Variants in MAGI1 observed in about 807,000 individuals in gnomAD.
The protein encoded by MAGI1 is membrane associated guanylate kinase, WW and PDZ domain containing 1.
A neutral mutation model predicts 139.9 loss-of-function variants in MAGI1; 58 were observed. The ratio of observed to expected loss-of-function variants is 0.41; its 90% confidence interval spans 0.34 to 0.52. The LOEUF is 0.52. MAGI1 is among the 20% of genes least tolerant of loss of function. MAGI1 has a pLI of 0.12. For missense variants in MAGI1, 1,874 were observed against 1,901.6 expected (o/e 0.99, Z 0.27); for synonymous variants, 812 against 737.9 (o/e 1.10, Z -1.63).
chr3:65,475,901 A>C (rs1950865391), intron 4 of MAGI1, among the ~76,000 whole-genome samples: 2 of 152,026 alleles, frequency 1.3e-5, no homozygotes, highest in African/African-American at 4.8e-5. Context: ...CTCAAGCAAA[A>C]GGCAGCTAAG....
At chr3:65,919,393 T>C (rs1427461651) in intron 1 of MAGI1, among the ~76,000 whole-genome samples, 1 of 151,420 alleles carries the variant, frequency 6.6e-6, no homozygotes, top group Non-Finnish European at 1.5e-5. Context: ...GGAGACCCCA[T>C]CTCTACAAAA....
At chr3:65,799,241 GT>G (rs1459337709) in intron 1 of MAGI1, among the ~76,000 whole-genome samples, 1 of 152,166 alleles carries the variant, frequency 6.6e-6, no homozygotes, top group African/African-American at 2.4e-5. Context: ...TATGGCCACA[GT>G]GCATTACAAG....
intron 3 of MAGI1, 44 bp downstream of exon 3, chr3:65,493,468 T>C (rs765111697): frequency 1.2e-6 from 2 of 1,612,626 alleles, no homozygotes; most frequent in Non-Finnish European, 1.7e-6. Flanking sequence ...TCCTCTCAAG[T>C]ACCCAGGAGA....
intron 1 of MAGI1, among the ~76,000 whole-genome samples, chr3:65,863,597 T>C (rs2059625042): frequency 6.6e-6 from 1 of 152,170 alleles, no homozygotes; most frequent in African/African-American, 2.4e-5. Context: ...GGTTGAGATA[T>C]ACAAATGTGG....
intron 1 of MAGI1, among the ~76,000 whole-genome samples, chr3:65,806,427 C>CA (rs59762065): frequency 0.036 from 5,120 of 141,636 alleles, 282 homozygotes; most frequent in African/African-American, 0.12. Context: ...AACTCCATTT[C>CA]AAAAAAAAAA....
At chr3:65,391,107 G>A (rs764258414) in intron 14 of MAGI1, 35 bp downstream of exon 14, 2 of 1,559,706 alleles carry the variant, frequency 1.3e-6, no homozygotes, top group East Asian at 4.5e-5. Flanking sequence ...CCTGCGGAGG[G>A]GTCAGGGTAA....
chr3:65,505,514 A>G (rs2077247097), intron 2 of MAGI1, among the ~76,000 whole-genome samples: 1 of 151,880 alleles, frequency 6.6e-6, no homozygotes, highest in Admixed American at 6.6e-5. Flanking sequence ...ATATAGTGGC[A>G]CGTGCCTGTA....
rs1206138639 is a variant in MAGI1 at position 65,984,712 on chromosome 3, CTTT to C, written c.313+53281_313+53283del. Among the ~76,000 whole-genome samples the C allele has an allele frequency of 6.1e-4, 16 of 26,110 alleles. 1 individual carries two copies. The South Asian group carries it at 0.02, about 32-fold the overall frequency. 17.1% of individuals were successfully genotyped at this position (26,110 alleles called of 152,430 possible). On this transcript the variant is annotated intron_variant, in intron 1 of 22. Transcript: ENST00000402939. ...CACCATGCCTTGCTAATTTTTTTTT[CTTT>C]TTTTTTTTTTTTTTAGAGATAGGAG...
At chr3:65,910,508 T>C (rs1011258143) in intron 1 of MAGI1, among the ~76,000 whole-genome samples, 2 of 152,170 alleles carry the variant, frequency 1.3e-5, no homozygotes, top group Non-Finnish European at 2.9e-5. Context: ...CCTGTTTACA[T>C]ACTAATCGAA....
At chr3:65,554,688 C>T (rs1009262149) in intron 2 of MAGI1, among the ~76,000 whole-genome samples, 1 of 152,190 alleles carries the variant, frequency 6.6e-6, no homozygotes, top group African/African-American at 2.4e-5. Context: ...ATCAAACCCA[C>T]CAAAGGTCCC....
chr3:65,430,984 T>A, intron 10 of MAGI1, 103 bp from the exon 11 acceptor site: 1 of 1,082,940 alleles, frequency 9.2e-7, no homozygotes, highest in Non-Finnish European at 1.3e-6. Flanking sequence ...GCTTATGCCC[T>A]AGAGCCTTTG....
chr3:65,749,774 T>C (rs546258945), intron 1 of MAGI1, among the ~76,000 whole-genome samples: 6 of 150,030 alleles, frequency 4.0e-5, no homozygotes, highest in Non-Finnish European at 8.9e-5. Flanking sequence ...TTGAGGGTTA[T>C]AGCCAGTAGA....
chr3:65,680,570 G>A (rs957384954), intron 1 of MAGI1, among the ~76,000 whole-genome samples: 2 of 151,864 alleles, frequency 1.3e-5, no homozygotes, highest in African/African-American at 2.4e-5. Context: ...ACACACCACC[G>A]CACCTGGTTA....
At chr3:65,952,046 T>C (rs2106962598) in intron 1 of MAGI1, among the ~76,000 whole-genome samples, 1 of 152,348 alleles carries the variant, frequency 6.6e-6, no homozygotes, top group East Asian at 1.9e-4. Context: ...CTTCTGTCAC[T>C]GTGGTTTGTT....
intron 1 of MAGI1, among the ~76,000 whole-genome samples, chr3:65,859,483 C>T (rs1309274924): frequency 6.6e-6 from 1 of 151,990 alleles, no homozygotes; most frequent in East Asian, 1.9e-4. Flanking sequence ...AATCCCAGCG[C>T]TTTAGGAAGC....
intron 1 of MAGI1, among the ~76,000 whole-genome samples, chr3:65,807,842 C>T (rs571154481): frequency 7.2e-5 from 11 of 152,204 alleles, no homozygotes; most frequent in African/African-American, 2.4e-4. Context: ...CTCCATGTTA[C>T]GGATGAGAAA....
At chr3:65,549,394 G>A in intron 2 of MAGI1, 1 of 984,384 alleles carries the variant, frequency 1.0e-6, no homozygotes, top group Non-Finnish European at 1.2e-6. Flanking sequence ...CAAACCCAAG[G>A]ACAAAACCGT....
intron 2 of MAGI1, among the ~76,000 whole-genome samples, chr3:65,570,073 CATTATTATTATTATT>C (rs57902043): frequency 4.0e-4 from 54 of 136,358 alleles, no homozygotes; most frequent in Admixed American, 6.8e-4. Flanking sequence ...TCTTTATTAT[CATTATTATTATTATT>C]ATTATTATTA....
rs915168423 is a variant in MAGI1, at chr3:65,445,828, G to A, written c.1078+2194C>T. Among the ~76,000 whole-genome samples, 30 of 152,242 alleles carry A rather than the reference G, an allele frequency of 2.0e-4. 1 individual carries two copies. Among genetic ancestry groups the A allele is most frequent in the Middle Eastern group, 3.4e-3 (1 of 294 alleles). The stretch of plus-strand genomic sequence containing the variant: ...TCCAATACCCAAGCCAACTGCCCAC[G>A]CCTCTCAGAGGCCGATTACAAAGAG... On this transcript the variant is annotated intron_variant, in intron 7 of 22. Coordinates refer to ENST00000402939, the MANE Select transcript of MAGI1 (RefSeq NM_001033057.2).
Sources: allele counts gnomAD v4.1 joint callset (sites outside exome capture counted in the v4.1 genomes callset), GRCh38; gene constraint gnomAD v4.1.1; transcripts MANE v1.5; gene names NCBI Gene and HGNC (gene_info 2026-07-23, HGNC 2026-07-21).